AKT3: variants seen among roughly 807,000 people sequenced by gnomAD.
AKT3 encodes RAC-gamma serine/threonine-protein kinase.
Under a neutral mutation model 65.3 loss-of-function variants are expected in AKT3, and 15 were observed. That is an observed-to-expected ratio of 0.23 (90% CI 0.15 to 0.35). AKT3 has a LOEUF of 0.35. Ranked by LOEUF, AKT3 falls within the 10% of genes least tolerant of loss-of-function variation. The probability of loss-of-function intolerance (pLI) is 1.00; values close to 1 mark genes in which losing one functional copy is unlikely to be tolerated. For synonymous variants in AKT3, 206 were observed against 183.8 expected, an observed-to-expected ratio of 1.12 and a Z score of -0.98; for missense variants, 243 against 576.5, an observed-to-expected ratio of 0.42 and a Z score of 5.92.
At chr1:243,557,891 G>T (rs999344915) in intron 10 of AKT3, among the ~76,000 whole-genome samples, 1 of 151,918 alleles carries the variant, frequency 6.6e-6, no homozygotes, top group Non-Finnish European at 1.5e-5. Flanking sequence ...TTTTAGAAAG[G>T]CTACTAAAAC....
chr1:243,728,795 A>G (rs1279556561), intron 2 of AKT3, among the ~76,000 whole-genome samples: 1 of 152,238 alleles, frequency 6.6e-6, no homozygotes, highest in Non-Finnish European at 1.5e-5. Context: ...CAAGAGTCAT[A>G]TGCCAGACAT....
chr1:243,570,768 T>C (rs775039502), intron 9 of AKT3, among the ~76,000 whole-genome samples: 1 of 152,238 alleles, frequency 6.6e-6, no homozygotes, highest in East Asian at 1.9e-4. Context: ...TGGATTTTTC[T>C]AGGTGTACCT....
intron 2 of AKT3, among the ~76,000 whole-genome samples, chr1:243,747,707 T>C (rs990410910): frequency 2.8e-4 from 43 of 152,318 alleles, no homozygotes; most frequent in African/African-American, 7.5e-4. Context: ...TAGTATCACA[T>C]TGGGAATTAC....
chr1:243,661,901 G>A (rs1227241074), intron 4 of AKT3, among the ~76,000 whole-genome samples: 10 of 149,706 alleles, frequency 6.7e-5, no homozygotes, highest in South Asian at 6.5e-4. Flanking sequence ...CGAAGGACAT[G>A]AACAGACACT....
At chr1:243,535,356 C>T (rs1671853994) in intron 12 of AKT3, among the ~76,000 whole-genome samples, 1 of 151,876 alleles carries the variant, frequency 6.6e-6, no homozygotes, top group Non-Finnish European at 1.5e-5. Context: ...GACTTTTCAT[C>T]CCTCACCTCC....
At chr1:243,644,711 T>G (rs898396073) in intron 5 of AKT3, among the ~76,000 whole-genome samples, 15 of 152,176 alleles carry the variant, frequency 9.9e-5, no homozygotes, top group African/African-American at 3.4e-4. Flanking sequence ...CATAGAGGTA[T>G]TTTGAATTTG....
intron 2 of AKT3, among the ~76,000 whole-genome samples, chr1:243,804,279 T>C (rs759572336): frequency 1.6e-4 from 25 of 152,232 alleles, no homozygotes; most frequent in Non-Finnish European, 4.4e-5. Context: ...ATTAGGTCAA[T>C]TAATCATTTT....
intron 6 of AKT3, among the ~76,000 whole-genome samples, chr1:243,617,871 A>G (rs2148614194): frequency 6.6e-6 from 1 of 152,280 alleles, no homozygotes; most frequent in Non-Finnish European, 1.5e-5. Context: ...GTGCTAATAT[A>G]AAAGTTACAT....
chr1:243,527,452 A>G (rs1671185347), intron 12 of AKT3, among the ~76,000 whole-genome samples: 1 of 152,154 alleles, frequency 6.6e-6, no homozygotes, highest in Admixed American at 6.5e-5. Flanking sequence ...ATCTTTTCTA[A>G]GTTGTGCTTT....
chr1:243,845,598 A>AAAAAAG (rs1244581561), intron 1 of AKT3, among the ~76,000 whole-genome samples: 30 of 147,502 alleles, frequency 2.0e-4, no homozygotes, highest in Non-Finnish European at 3.1e-4. Flanking sequence ...CAAAAAAAAA[A>AAAAAAG]AAAAAGAAAA....
At chr1:243,605,534 A>C (rs973715429) in intron 8 of AKT3, among the ~76,000 whole-genome samples, 6 of 152,196 alleles carry the variant, frequency 3.9e-5, no homozygotes, top group South Asian at 2.1e-4. Flanking sequence ...AATTGAGAAA[A>C]AGAGCAGAAT....
In AKT3 at chr1:243,499,824, G is replaced by A. The variant is rs763036740; in HGVS notation, c.*5425C>T. On this transcript the variant is annotated 3_prime_UTR_variant, in exon 14 of 14. Coordinates refer to ENST00000673466, the MANE Select transcript of AKT3 (RefSeq NM_005465.7). ...GAGTGAAATAAATGATTTACAAAGA[G>A]ATATTTACATTCATCTGGTTTAGAC... 2 of 1,596,452 alleles carry A rather than the reference G, an allele frequency of 1.3e-6. No individual in the cohort carries two copies. Among genetic ancestry groups the A allele is most frequent in the African/African-American group, 1.3e-5 (1 of 74,704 alleles).
chr1:243,492,642 T>C (rs1303553962), intron 13 of AKT3, among the ~76,000 whole-genome samples: 1 of 143,550 alleles, frequency 7.0e-6, no homozygotes, highest in Non-Finnish European at 1.5e-5. Flanking sequence ...AGTTTTGTTC[T>C]TGTCGCCCAG....
intron 2 of AKT3, among the ~76,000 whole-genome samples, chr1:243,813,813 A>G (rs1460759613): frequency 2.6e-5 from 4 of 152,348 alleles, no homozygotes; most frequent in African/African-American, 9.6e-5. Context: ...AAAATTTTAA[A>G]GAGTATATGG....
intron 2 of AKT3, among the ~76,000 whole-genome samples, chr1:243,718,284 C>G (rs570607894): frequency 3.9e-5 from 6 of 152,252 alleles, no homozygotes; most frequent in African/African-American, 1.4e-4. Flanking sequence ...TGTCCACAAG[C>G]CAACGATTGT....
chr1:243,755,649 C>G (rs1302574262), intron 2 of AKT3, among the ~76,000 whole-genome samples: 3 of 152,118 alleles, frequency 2.0e-5, no homozygotes, highest in Non-Finnish European at 2.9e-5. Flanking sequence ...TTCTTATAAT[C>G]TTATCATAAC....
At chr1:243,827,855 A>C (rs1694264024) in intron 2 of AKT3, among the ~76,000 whole-genome samples, 1 of 152,174 alleles carries the variant, frequency 6.6e-6, no homozygotes, top group South Asian at 2.1e-4. Context: ...TAAATTAAGA[A>C]AGATGAAGCC....
chr1:243,572,227 C>T (rs568520393), intron 9 of AKT3, among the ~76,000 whole-genome samples: 21 of 152,146 alleles, frequency 1.4e-4, no homozygotes, highest in African/African-American at 4.8e-4. Context: ...TTGAGCCCAT[C>T]GCCTATTTTG....
chr1:243,589,230 C>G (rs778576712), intron 8 of AKT3, among the ~76,000 whole-genome samples: 1 of 142,086 alleles, frequency 7.0e-6, no homozygotes, highest in African/African-American at 2.7e-5. Flanking sequence ...CGCTTGAACC[C>G]GGGAGGCAGA....
Sources: allele counts gnomAD v4.1 joint callset (sites outside exome capture counted in the v4.1 genomes callset), GRCh38; gene constraint gnomAD v4.1.1; transcripts MANE v1.5; gene names NCBI Gene and HGNC (gene_info 2026-07-23, HGNC 2026-07-21).